Variants in WWOX observed in about 807,000 individuals in gnomAD.
WWOX encodes WW domain containing oxidoreductase.
Under a neutral mutation model 46.2 loss-of-function variants are expected in WWOX, and 69 were observed. The ratio of observed to expected loss-of-function variants is 1.49; its 90% CI spans 1.23 to 1.82. The LOEUF (loss-of-function observed/expected upper bound fraction) is 1.82, where lower values mean the gene tolerates loss of function less well. Ranked by LOEUF, WWOX falls within the 40% of genes most tolerant of loss-of-function variation. The probability of loss-of-function intolerance (pLI) is 0.00; values close to 1 mark genes in which losing one functional copy is unlikely to be tolerated. For missense variants in WWOX, 919 were observed against 542.6 expected, an observed-to-expected ratio of 1.69 and a Z score of -6.89; for synonymous variants, 359 against 202.6, an observed-to-expected ratio of 1.77 and a Z score of -6.56.
chr16:78,225,680 A>G (rs967391103), intron 5 of WWOX, among the ~76,000 whole-genome samples: 7 of 152,212 alleles, frequency 4.6e-5, no homozygotes, highest in Middle Eastern at 3.2e-3. Context: ...CATTGTCCCA[A>G]CACCAGTTAT....
intron 8 of WWOX, among the ~76,000 whole-genome samples, chr16:78,582,066 G>A (rs948514123): frequency 2.0e-5 from 3 of 152,284 alleles, no homozygotes; most frequent in South Asian, 4.1e-4. Flanking sequence ...GAGAAGGAAC[G>A]CTGGGTGCAG....
At chr16:78,856,324 G>C (rs559159410) in intron 8 of WWOX, among the ~76,000 whole-genome samples, 1 of 152,326 alleles carries the variant, frequency 6.6e-6, no homozygotes, top group South Asian at 2.1e-4. Flanking sequence ...TAACAGGCTT[G>C]TAGTGACTTT....
chr16:78,368,886 A>G (rs554065398), intron 5 of WWOX, among the ~76,000 whole-genome samples: 2 of 152,270 alleles, frequency 1.3e-5, no homozygotes, highest in Non-Finnish European at 1.5e-5. Flanking sequence ...CACTGACAGA[A>G]TGGTACATCC....
chr16:79,175,701 G>T (rs1404998297), intron 8 of WWOX, among the ~76,000 whole-genome samples: 1 of 152,168 alleles, frequency 6.6e-6, no homozygotes, highest in Non-Finnish European at 1.5e-5. Context: ...CTGTGTGCCT[G>T]TTCTGTGTCC....
chr16:78,525,322 A>G (rs1567622159), intron 8 of WWOX: 2 of 150,880 alleles, frequency 1.3e-5, no homozygotes, highest in East Asian at 4.0e-4. Flanking sequence ...AGTAGCTGGG[A>G]CTGCAGGCGC....
At chr16:78,471,175 A>G (rs16947616) in intron 8 of WWOX, among the ~76,000 whole-genome samples, 5,252 of 152,298 alleles carry the variant, frequency 0.034, 167 homozygotes, top group African/African-American at 0.083. Flanking sequence ...GTTGCAGAAC[A>G]CTGACCAATG....
intron 8 of WWOX, among the ~76,000 whole-genome samples, chr16:78,607,351 C>G (rs1006284993): frequency 1.1e-4 from 16 of 152,132 alleles, no homozygotes; most frequent in South Asian, 2.1e-4. Flanking sequence ...TCATTTACTT[C>G]TCTTCCCTTT....
At chr16:78,796,048 A>G (rs764678707) in intron 8 of WWOX, among the ~76,000 whole-genome samples, 5 of 152,252 alleles carry the variant, frequency 3.3e-5, no homozygotes, top group African/African-American at 7.2e-5. Flanking sequence ...TTGCTCAAAG[A>G]CAGTATATAT....
intron 5 of WWOX, among the ~76,000 whole-genome samples, chr16:78,226,403 A>G (rs1321008444): frequency 2.0e-5 from 3 of 150,896 alleles, no homozygotes; most frequent in Non-Finnish European, 3.0e-5. Flanking sequence ...TTTTTTTCTG[A>G]TGCTGCCTAG....
At chr16:78,579,286 G>A (rs1255270736) in intron 8 of WWOX, among the ~76,000 whole-genome samples, 2 of 152,160 alleles carry the variant, frequency 1.3e-5, no homozygotes, top group Non-Finnish European at 2.9e-5. Flanking sequence ...AATTGCAGTA[G>A]AGTGTGACAG....
chr16:78,425,938 A>T (rs375130407), intron 7 of WWOX, among the ~76,000 whole-genome samples: 20 of 152,206 alleles, frequency 1.3e-4, no homozygotes, highest in African/African-American at 4.3e-4. Flanking sequence ...TTATTTTTTT[A>T]ATCATACTTC....
intron 8 of WWOX, among the ~76,000 whole-genome samples, chr16:78,714,081 C>T (rs1013266686): frequency 6.6e-6 from 1 of 152,106 alleles, no homozygotes; most frequent in Non-Finnish European, 1.5e-5. Context: ...CTGATGAACC[C>T]AAAGCTCTCT....
At chr16:79,071,400 G>C (rs952025313) in intron 8 of WWOX, among the ~76,000 whole-genome samples, 5 of 152,162 alleles carry the variant, frequency 3.3e-5, no homozygotes, top group African/African-American at 1.2e-4. Flanking sequence ...ATACAGAAGG[G>C]GTTGTGCGTT....
intron 8 of WWOX, among the ~76,000 whole-genome samples, chr16:79,193,138 G>T (rs1328587824): frequency 1.3e-5 from 2 of 152,178 alleles, no homozygotes; most frequent in Non-Finnish European, 2.9e-5. Context: ...TCTCTTGTGG[G>T]TGCTTTCTGC....
chr16:78,434,492 A>C (rs55768770), intron 8 of WWOX, among the ~76,000 whole-genome samples: 2 of 152,186 alleles, frequency 1.3e-5, no homozygotes, highest in African/African-American at 4.8e-5. Flanking sequence ...TGCCAGTGCC[A>C]TTTAAATGAG....
At chr16:78,329,837 CTT>C (rs1176550517) in intron 5 of WWOX, among the ~76,000 whole-genome samples, 3 of 151,548 alleles carry the variant, frequency 2.0e-5, no homozygotes, top group African/African-American at 4.9e-5. Flanking sequence ...GCCTCAAACT[CTT>C]TGGCTCCAGT....
chr16:78,621,216 A>C (rs2046172173), intron 8 of WWOX, among the ~76,000 whole-genome samples: 1 of 152,156 alleles, frequency 6.6e-6, no homozygotes, highest in Non-Finnish European at 1.5e-5. Flanking sequence ...TAATGGCCAG[A>C]ATAAGGCTGC....
chr16:79,041,280 C>T (rs1445291671), intron 8 of WWOX, among the ~76,000 whole-genome samples: 1 of 152,208 alleles, frequency 6.6e-6, no homozygotes, highest in Non-Finnish European at 1.5e-5. Context: ...GGTTAATCAT[C>T]TCCCTGTCAC....
At chr16:78,887,477 ACACACAC>A (rs2044490985) in intron 8 of WWOX, among the ~76,000 whole-genome samples, 1 of 62,546 alleles carries the variant, frequency 1.6e-5, no homozygotes, top group Non-Finnish European at 4.0e-5. Flanking sequence ...AAACACACAC[ACACACAC>A]ACACACACAC....
Sources: allele counts gnomAD v4.1 joint callset (sites outside exome capture counted in the v4.1 genomes callset), GRCh38; gene constraint gnomAD v4.1.1; transcripts MANE v1.5; gene names NCBI Gene and HGNC (gene_info 2026-07-23, HGNC 2026-07-21).